The following TRPM2 variants were observed in gnomAD, a reference collection of about 807,000 sequenced individuals.
The protein encoded by TRPM2 is transient receptor potential cation channel subfamily M member 2, also known as estrogen-responsive element-associated gene 1 protein.
In TRPM2, 161 loss-of-function variants were observed where a neutral mutation model predicts 174.0. The observed-to-expected ratio is 0.93, with a 90% confidence interval of 0.81 to 1.05. The LOEUF (loss-of-function observed/expected upper bound fraction) is 1.05. TRPM2 is among the 50% of genes least tolerant of loss of function. TRPM2 has a pLI of 0.00. For missense variants in TRPM2, 2,057 were observed against 2,038.0 expected (o/e 1.01, Z -0.18); for synonymous variants, 954 against 861.3 (o/e 1.11, Z -1.88).
At chr21:44,428,469 T>C (rs1361046783) in intron 27 of TRPM2, among the ~76,000 whole-genome samples, 16 of 141,534 alleles carry the variant, frequency 1.1e-4, no homozygotes, top group Non-Finnish European at 2.3e-4. Flanking sequence ...CCCTGACGTG[T>C]GGCTCCTCCC....
chr21:44,380,857 C>G (rs1007401954), intron 8 of TRPM2, among the ~76,000 whole-genome samples: 1 of 152,152 alleles, frequency 6.6e-6, no homozygotes, highest in Non-Finnish European at 1.5e-5. Flanking sequence ...TCGACTCAGA[C>G]GAGGAAACGA....
intron 3 of TRPM2, 143 bp downstream of exon 3, chr21:44,364,425 A>G (rs995878291): frequency 1.0e-5 from 10 of 975,426 alleles, no homozygotes; most frequent in South Asian, 1.6e-5. Context: ...CAGCAAGGGA[A>G]GCGGCGGGGA....
chr21:44,372,440 A>T (rs900432860), intron 5 of TRPM2, among the ~76,000 whole-genome samples: 3 of 152,190 alleles, frequency 2.0e-5, no homozygotes, highest in African/African-American at 7.2e-5. Context: ...GGTTGCAGCG[A>T]GCCAAGGTTG....
chr21:44,390,804 C>A, intron 9 of TRPM2, 100 bp from the exon 10 acceptor site: 1 of 1,528,628 alleles, frequency 6.5e-7, no homozygotes. Context: ...TGTTGAGAGG[C>A]AAGGGCTCAT....
At chr21:44,428,063 C>A (rs958090885) in intron 27 of TRPM2, among the ~76,000 whole-genome samples, 3 of 152,102 alleles carry the variant, frequency 2.0e-5, no homozygotes, top group Admixed American at 2.0e-4. Context: ...CTTGGCAGGA[C>A]GTGGTGTCCA....
At position 44,433,898 on chromosome 21, in the gene TRPM2, C is replaced by T. The variant is rs146696593; in HGVS notation, c.3975-1233C>T. On this transcript the variant is annotated intron_variant, in intron 27 of 31. Transcript: ENST00000397928. Reference sequence around the variant, plus strand: ...GGGACCCCTGACAGCTGGGCGGGAACAGGGTGGCTGCTGAGGGGTAACAGA... The same window carrying T: ...GGGACCCCTGACAGCTGGGCGGGAATAGGGTGGCTGCTGAGGGGTAACAGA... Among the ~76,000 whole-genome samples, 347 of 152,276 alleles carry T rather than the reference C, an allele frequency of 2.3e-3. 1 individual carries two copies. The highest frequency in any genetic ancestry group is 3.9e-3 in the Non-Finnish European group (263 of 68,000).
rs915954134 is a variant in TRPM2 at position 44,353,856 on chromosome 21, CAAT to C, written c.157_159del (p.Asn53del). The C allele has an allele frequency of 6.3e-6, 10 of 1,597,918 alleles. No homozygotes were observed. Among genetic ancestry groups the C allele is most frequent in the East Asian group, 2.3e-5 (1 of 43,168 alleles). On this transcript the variant is annotated inframe_deletion, in exon 1 of 32. Coordinates refer to ENST00000397928, the MANE Select transcript of TRPM2 (RefSeq NM_003307.4). ...GGAGGCTACAGTGCCCCTTCGGCAACAATGACAAGGTAGGCTTTCTGCTGGTCA... is the reference window on the plus strand; with the variant it reads ...GGAGGCTACAGTGCCCCTTCGGCAACGACAAGGTAGGCTTTCTGCTGGTCA...
Position 44,432,870 on chromosome 21 carries a change from T to A in TRPM2, c.3975-2261T>A, listed in dbSNP as rs1305174815. 1.3e-5 allele frequency among the ~76,000 whole-genome samples: 2 copies of A among 152,128 alleles called. No homozygotes were observed. Among genetic ancestry groups the A allele is most frequent in the African/African-American group, 4.8e-5 (2 of 41,416 alleles). ...AGCCAGACTGTCGCTGTTTTTGCGC[T>A]TTGGGGTTGTGTGCGTAGGTTTATG... is the stretch of plus-strand genomic sequence containing the variant. On this transcript the variant is annotated intron_variant, in intron 27 of 31. Coordinates refer to ENST00000397928, the MANE Select transcript of TRPM2 (RefSeq NM_003307.4). The surrounding 1 kb of genome is among the most constrained non-coding windows in gnomAD (Gnocchi z 4.9).
Position 44,354,545 on chromosome 21 carries a change from C to G in TRPM2, c.166-103C>G, listed in dbSNP as rs921083072. 3.8e-6 allele frequency: 4 copies of G among 1,045,074 alleles called. No individual in the cohort carries two copies. The highest frequency in any genetic ancestry group is 4.4e-6 in the Non-Finnish European group (3 of 677,408). 64.7% of individuals were successfully genotyped at this position (1,045,074 alleles called of 1,614,324 possible). ...GTCGCGCAGGCTTCCTTCCTTCAAG[C>G]AAATAGTGTGAAAGCTCCTCAAGGA... On this transcript the variant is annotated intron_variant, in intron 1 of 31. Transcript: ENST00000397928. This position sits in a 1 kb window ranked among gnomAD's most constrained non-coding sequence, Gnocchi z 4.3.
At chr21:44,369,025 C>T in intron 4 of TRPM2, 152 bp from the exon 5 acceptor site, 3 of 836,274 alleles carry the variant, frequency 3.6e-6, no homozygotes, top group South Asian at 2.3e-5. Flanking sequence ...CGGTTCCTTA[C>T]ACCTGATGCT....
Position 44,406,042 on chromosome 21 carries a change from G to A in TRPM2, c.2790+5G>A, listed in dbSNP as rs2049860827. 4 of 1,604,260 alleles carry A rather than the reference G, an allele frequency of 2.5e-6. No homozygotes were observed. Among genetic ancestry groups the A allele is most frequent in the African/African-American group, 1.3e-5 (1 of 75,060 alleles). ...ATCATCATTGTGAAGCGGATGGTAAGGGGGCGGGGGCACCGGCTCCATCGC... is the reference window on the plus strand; with the variant it reads ...ATCATCATTGTGAAGCGGATGGTAAAGGGGCGGGGGCACCGGCTCCATCGC... On this transcript the variant is annotated splice_donor_5th_base_variant and intron_variant, in intron 18 of 31. Transcript: ENST00000397928.
At chr21:44,407,651 G>A (rs926038460) in intron 19 of TRPM2, among the ~76,000 whole-genome samples, 1 of 151,706 alleles carries the variant, frequency 6.6e-6, no homozygotes. Flanking sequence ...CTACTTGTGA[G>A]CTGCCTTTTC....
At chr21:44,401,228 C>A (rs1434618891) in intron 15 of TRPM2, among the ~76,000 whole-genome samples, 1 of 152,218 alleles carries the variant, frequency 6.6e-6, no homozygotes, top group Non-Finnish European at 1.5e-5. Flanking sequence ...GGGCACACCA[C>A]AGGGGGAGTG....
Position 44,406,047 on chromosome 21 carries a change from CG to C in TRPM2, c.2790+15del. The stretch of plus-strand genomic sequence containing the variant: ...CATTGTGAAGCGGATGGTAAGGGGG[CG>C]GGGGCACCGGCTCCATCGCGGCCTG... On this transcript the variant is annotated intron_variant, in intron 18 of 31. Coordinates refer to ENST00000397928, the MANE Select transcript of TRPM2 (RefSeq NM_003307.4). 2 of 1,603,058 alleles carry C rather than the reference CG, an allele frequency of 1.2e-6. No individual in the cohort carries two copies.
At chr21:44,358,488 C>T (rs1051802112) in intron 2 of TRPM2, among the ~76,000 whole-genome samples, 1 of 152,120 alleles carries the variant, frequency 6.6e-6, no homozygotes, top group African/African-American at 2.4e-5. Context: ...CTATCTGGGC[C>T]GAGTTCCGAG....
In TRPM2 at chr21:44,379,021, G is replaced by T; in HGVS notation, c.1039G>T (p.Gly347Cys). ...LHTIDNATTN[G>C]TPCVVVEGSG... is the part of the protein sequence containing the mutation. Reference sequence around the variant, plus strand: ...GACCATCGACAACGCCACCACCAACGGCACCCCCTGTGTGGTTGTGGAGGG... The same window carrying T: ...GACCATCGACAACGCCACCACCAACTGCACCCCCTGTGTGGTTGTGGAGGG... Residue 347 changes from glycine to cysteine, a missense_variant, in exon 8 of 32, where the codon GGC (glycine) becomes TGC (cysteine). Coordinates refer to ENST00000397928, the MANE Select transcript of TRPM2 (RefSeq NM_003307.4). The T allele has an allele frequency of 6.2e-7, 1 of 1,608,302 alleles. No homozygotes were observed. The highest frequency in any genetic ancestry group is 8.5e-7 in the Non-Finnish European group (1 of 1,179,936).
intron 9 of TRPM2, among the ~76,000 whole-genome samples, chr21:44,384,340 C>A (rs143020232): frequency 3.3e-5 from 5 of 152,286 alleles, no homozygotes; most frequent in African/African-American, 1.2e-4. Context: ...ACCATCCTTG[C>A]CTTCCCAGAG....
chr21:44,418,753 C>T (rs2146348770), intron 22 of TRPM2, among the ~76,000 whole-genome samples, 198 bp downstream of exon 22: 1 of 152,262 alleles, frequency 6.6e-6, no homozygotes, highest in South Asian at 2.1e-4. Flanking sequence ...CCTCTGCGGT[C>T]CTTAGGAAGG....
Position 44,399,848 on chromosome 21 carries a change from G to T in TRPM2, c.2208+407G>T. On this transcript the variant is annotated intron_variant, in intron 14 of 31. Transcript: ENST00000397928. This position sits in a 1 kb window ranked among gnomAD's most constrained non-coding sequence, Gnocchi z 4.6. Reference sequence around the variant, plus strand: ...CCTCAGCATCGCCCTGGAACCCCCGGCAGGGCCTGGCTCCCAGCGAGTGCC... The same window carrying T: ...CCTCAGCATCGCCCTGGAACCCCCGTCAGGGCCTGGCTCCCAGCGAGTGCC... Among the ~76,000 whole-genome samples the T allele has an allele frequency of 6.6e-6, 1 of 152,166 alleles. No individual in the cohort carries two copies. Among genetic ancestry groups the T allele is most frequent in the East Asian group, 1.9e-4 (1 of 5,178 alleles).
Sources: allele counts gnomAD v4.1 joint callset (sites outside exome capture counted in the v4.1 genomes callset), GRCh38; gene constraint gnomAD v4.1.1; non-coding constraint Gnocchi (gnomAD v3.1); transcripts MANE v1.5; gene names NCBI Gene and HGNC (gene_info 2026-07-23, HGNC 2026-07-21).